The following TGFBR2 variants were observed in gnomAD, a reference collection of about 807,000 sequenced individuals.
TGFBR2 encodes the protein TGF-beta receptor type-2.
In TGFBR2, 18 loss-of-function variants were observed where a neutral mutation model predicts 49.0. The ratio of observed to expected loss-of-function variants is 0.37; its 90% confidence interval spans 0.25 to 0.54. The LOEUF is 0.54. TGFBR2 is among the 20% of genes least tolerant of loss of function. The pLI, the probability that TGFBR2 is intolerant of heterozygous loss-of-function variation, is 0.85. For synonymous variants in TGFBR2, 282 were observed against 275.9 expected, an observed-to-expected ratio of 1.02 and a Z score of -0.22; for missense variants, 525 against 722.6, an observed-to-expected ratio of 0.73 and a Z score of 3.13.
At chr3:30,611,741 A>G (rs943738711) in intron 1 of TGFBR2, among the ~76,000 whole-genome samples, 1 of 152,106 alleles carries the variant, frequency 6.6e-6, no homozygotes, top group African/African-American at 2.4e-5. Context: ...GTGGTCTTGT[A>G]GCCACCACTG....
intron 5 of TGFBR2, among the ~76,000 whole-genome samples, chr3:30,683,695 A>G (rs1170074048): frequency 6.6e-6 from 1 of 152,250 alleles, no homozygotes; most frequent in Non-Finnish European, 1.5e-5. Context: ...CATGAAAAAT[A>G]AATAAGATAC....
chr3:30,646,457 G>C (rs1405581655), intron 2 of TGFBR2, among the ~76,000 whole-genome samples: 2 of 152,202 alleles, frequency 1.3e-5, no homozygotes, highest in Non-Finnish European at 2.9e-5. Flanking sequence ...ACAGTGAAGA[G>C]AGATCGTGGG....
intron 1 of TGFBR2, among the ~76,000 whole-genome samples, chr3:30,616,488 T>G (rs1371939907): frequency 6.6e-6 from 1 of 152,154 alleles, no homozygotes; most frequent in Non-Finnish European, 1.5e-5. Context: ...GACTAAGGTA[T>G]GTTGTACCAG....
intron 1 of TGFBR2, among the ~76,000 whole-genome samples, chr3:30,633,128 G>C (rs1698467129): frequency 6.6e-6 from 1 of 152,162 alleles, no homozygotes; most frequent in African/African-American, 2.4e-5. Flanking sequence ...ATGAGGGCTT[G>C]TGTGTCACCA....
chr3:30,661,568 G>A (rs1244326061), intron 3 of TGFBR2: 2 of 515,032 alleles, frequency 3.9e-6, no homozygotes, highest in Non-Finnish European at 7.7e-6. Context: ...TCAAACAATC[G>A]ATTGCAAAGG....
At chr3:30,618,885 T>A (rs1337857726) in intron 1 of TGFBR2, among the ~76,000 whole-genome samples, 2 of 152,206 alleles carry the variant, frequency 1.3e-5, no homozygotes, top group Non-Finnish European at 2.9e-5. Context: ...GGCTTTTTCA[T>A]TGATTTGCTC....
chr3:30,640,940 T>C (rs1402328224), intron 1 of TGFBR2, among the ~76,000 whole-genome samples: 1 of 152,208 alleles, frequency 6.6e-6, no homozygotes, highest in African/African-American at 2.4e-5. Flanking sequence ...TTAAACATTA[T>C]GTATTAAACG....
rs576715399 is a variant in TGFBR2, at chr3:30,606,802, G to C, written c.-82G>C. 21 of 1,064,006 alleles carry C rather than the reference G, an allele frequency of 2.0e-5. No homozygotes were observed. Among genetic ancestry groups the C allele is most frequent in the South Asian group, 1.0e-4 (3 of 28,582 alleles). The allele number at this position is 1,064,006 out of a possible 1,614,324, so 65.9% of individuals were successfully genotyped here. ...CGGCGCGGGGTCCGGAGAGGGCGCG[G>C]CGCGGAGGCGCAGCCAGGGGTCCGG... On this transcript the variant is annotated 5_prime_UTR_variant, in exon 1 of 7. Transcript: ENST00000295754.
chr3:30,673,702 A>G (rs754647718), intron 4 of TGFBR2, among the ~76,000 whole-genome samples: 4 of 151,976 alleles, frequency 2.6e-5, no homozygotes, highest in Non-Finnish European at 4.4e-5. Context: ...TATTTTTACC[A>G]TAAGTCTTGG....
chr3:30,621,561 A>G (rs531479028), intron 1 of TGFBR2, among the ~76,000 whole-genome samples: 12 of 152,278 alleles, frequency 7.9e-5, no homozygotes, highest in South Asian at 4.1e-4. Context: ...GATTACAGGC[A>G]TGGGCCACTG....
intron 6 of TGFBR2, 135 bp from the exon 7 acceptor site, chr3:30,691,285 A>G: frequency 1.1e-6 from 1 of 936,688 alleles, no homozygotes; most frequent in Non-Finnish European, 1.7e-6. Context: ...GCAGGCACTC[A>G]GTCAGCACAT....
intron 1 of TGFBR2, among the ~76,000 whole-genome samples, chr3:30,619,003 T>A (rs1478622930): frequency 6.6e-6 from 1 of 152,226 alleles, no homozygotes; most frequent in Non-Finnish European, 1.5e-5. Flanking sequence ...GTAGCCACAA[T>A]AACCAGTCCT....
chr3:30,672,396 G>A lies in TGFBR2; in HGVS notation c.1213G>A (p.Asp405Asn), dbSNP rs1699360600. The stretch of plus-strand genomic sequence containing the variant: ...TGACTTTGGGCTTTCCCTGCGTCTG[G>A]ACCCTACTCTGTCTGTGGATGACCT... ...LCDFGLSLRL[D>N]PTLSVDDLAN... Residue 405 changes from aspartate to asparagine, a missense_variant, in exon 4 of 7, where the codon GAC (aspartate) becomes AAC (asparagine). Physicochemically the swap from Asp to Asn is conservative, Grantham distance 23 (BLOSUM62 1). Coordinates refer to ENST00000295754, the MANE Select transcript of TGFBR2 (RefSeq NM_003242.6). This position sits in a 1 kb window ranked among gnomAD's most constrained non-coding sequence, Gnocchi z 4.5. 1 of 1,614,198 alleles carries A rather than the reference G, an allele frequency of 6.2e-7. No homozygotes were observed. The highest frequency in any genetic ancestry group is 8.5e-7 in the Non-Finnish European group (1 of 1,180,024).
intron 1 of TGFBR2, among the ~76,000 whole-genome samples, chr3:30,609,812 C>T (rs796902617): frequency 1.3e-5 from 2 of 152,290 alleles, no homozygotes; most frequent in South Asian, 2.1e-4. Context: ...TCAGTCTACT[C>T]GTGCTTTTTT....
chr3:30,657,442 T>C (rs770527593), intron 3 of TGFBR2, among the ~76,000 whole-genome samples: 2 of 152,206 alleles, frequency 1.3e-5, no homozygotes, highest in Non-Finnish European at 2.9e-5. Context: ...GCTGAGAGCA[T>C]GGCTTCCCTG....
intron 5 of TGFBR2, among the ~76,000 whole-genome samples, chr3:30,688,182 A>G (rs1478191447): frequency 6.6e-6 from 1 of 152,218 alleles, no homozygotes; most frequent in Non-Finnish European, 1.5e-5. Context: ...ACAATCATTT[A>G]TTGAATACTT....
intron 1 of TGFBR2, among the ~76,000 whole-genome samples, chr3:30,616,707 A>C (rs1228724492): frequency 6.6e-6 from 1 of 152,212 alleles, no homozygotes; most frequent in Non-Finnish European, 1.5e-5. Flanking sequence ...ATAGAAAACT[A>C]ACAAAAGTCA....
In TGFBR2 at chr3:30,608,042, G is replaced by A. The variant is rs191117291; in HGVS notation, c.94+1065G>A. On this transcript the variant is annotated intron_variant, in intron 1 of 6. Coordinates refer to ENST00000295754, the MANE Select transcript of TGFBR2 (RefSeq NM_003242.6). ...TGCAACTTTGCCTCTGGGTTCAAGCGATTCTCCTGCCTTAGCCTCCCGAGT... is the reference window on the plus strand; with the variant it reads ...TGCAACTTTGCCTCTGGGTTCAAGCAATTCTCCTGCCTTAGCCTCCCGAGT... Among the ~76,000 whole-genome samples, 315 of 151,376 alleles carry A rather than the reference G, an allele frequency of 2.1e-3. 2 individuals carry two copies. Among genetic ancestry groups the A allele is most frequent in the Middle Eastern group, 0.021 (6 of 290 alleles).
At chr3:30,664,393 T>A (rs1017258453) in intron 3 of TGFBR2, among the ~76,000 whole-genome samples, 1 of 152,194 alleles carries the variant, frequency 6.6e-6, no homozygotes. Context: ...TTCTGAAAAT[T>A]TCCAGTCACT....
Sources: gnomAD v4.1 joint callset for allele counts (sites outside exome capture counted in the v4.1 genomes callset) on GRCh38, gnomAD v4.1.1 for gene constraint, Gnocchi (gnomAD v3.1) non-coding constraint, MANE v1.5 for transcripts, NCBI Gene and HGNC (gene_info 2026-07-23, HGNC 2026-07-21) for gene names.